Variants in SIK2 observed in about 807,000 individuals in gnomAD.
The protein encoded by SIK2 is salt inducible kinase 2.
Under a neutral mutation model 103.2 loss-of-function variants are expected in SIK2, and 29 were observed. The ratio of observed to expected loss-of-function variants is 0.28; its 90% confidence interval spans 0.21 to 0.38. The LOEUF is 0.38. Among genes scored for constraint, SIK2 ranks in the 10% least tolerant of loss-of-function variants. The pLI is 1.00. For missense variants in SIK2, 879 were observed against 1,171.0 expected, an observed-to-expected ratio of 0.75 and a Z score of 3.64; for synonymous variants, 412 against 446.1, an observed-to-expected ratio of 0.92 and a Z score of 0.96.
chr11:111,707,094 C>G (rs555082187), intron 8 of SIK2, among the ~76,000 whole-genome samples: 123 of 151,996 alleles, frequency 8.1e-4, no homozygotes, highest in Middle Eastern at 3.4e-3. Context: ...CTTTCAAGAC[C>G]GAGAAAGAAG....
In SIK2 at chr11:111,726,813, A is replaced by C; in HGVS notation, c.*2684A>C. 1 of 680,852 alleles carries C rather than the reference A, an allele frequency of 1.5e-6. No homozygotes were observed. The highest frequency in any genetic ancestry group is 2.6e-6 in the Non-Finnish European group (1 of 385,316). The allele number at this position is 680,852 out of a possible 1,614,324, so 42.2% of individuals were successfully genotyped here. A position where few individuals can be genotyped will look rare whatever the true frequency, so the allele number is the denominator to read the frequency against. On this transcript the variant is annotated 3_prime_UTR_variant, in exon 15 of 15. Coordinates refer to ENST00000304987, the MANE Select transcript of SIK2 (RefSeq NM_015191.3). Reference sequence around the variant, plus strand: ...TCTGATTCACGTTAGCAGTGTGTACACTACTGTATCATCATCAGCTTCATC... The same window carrying C: ...TCTGATTCACGTTAGCAGTGTGTACCCTACTGTATCATCATCAGCTTCATC...
intron 14 of SIK2, among the ~76,000 whole-genome samples, chr11:111,723,105 A>G (rs1943854506): frequency 6.6e-6 from 1 of 152,224 alleles, no homozygotes; most frequent in Non-Finnish European, 1.5e-5. Flanking sequence ...GTGTGCCCAC[A>G]GCCTCGCTAG....
chr11:111,692,255 G>T, intron 4 of SIK2, among the ~76,000 whole-genome samples: 1 of 148,750 alleles, frequency 6.7e-6, no homozygotes. Flanking sequence ...GGAGGCTGAG[G>T]CAGGAGAATT....
intron 3 of SIK2, among the ~76,000 whole-genome samples, chr11:111,663,255 G>T (rs1370865010): frequency 6.6e-6 from 1 of 151,592 alleles, no homozygotes; most frequent in Non-Finnish European, 1.5e-5. Flanking sequence ...AAATAGTAGG[G>T]TAAAGGTAGA....
At position 111,642,171 on chromosome 11, in the gene SIK2, C is replaced by G. The variant is rs769678374; in HGVS notation, c.316+21769C>G. Among the ~76,000 whole-genome samples the G allele has an allele frequency of 6.6e-5, 10 of 152,268 alleles. No homozygotes were observed. In the South Asian group the frequency reaches 1.0e-3, roughly 16 times the overall value. ...GGCTCCCTCCACACCAACCAATTTT[C>G]CAGTACCAACTGAGTGTCCTAGAAT... On this transcript the variant is annotated intron_variant, in intron 3 of 14. Coordinates refer to ENST00000304987, the MANE Select transcript of SIK2 (RefSeq NM_015191.3).
intron 4 of SIK2, among the ~76,000 whole-genome samples, chr11:111,697,013 C>T (rs1175911756): frequency 6.6e-6 from 1 of 152,104 alleles, no homozygotes; most frequent in East Asian, 1.9e-4. Context: ...TCTTTTGCTG[C>T]CACTTTTTAA....
chr11:111,701,101 CAT>C lies in SIK2; in HGVS notation c.603+93_603+94del. ...TCTTAGAAGCTCCTGGTACTTAACA[CAT>C]AAGCAGTATTTCATATTTTCCCCAT... On this transcript the variant is annotated intron_variant, in intron 5 of 14. Transcript: ENST00000304987. This position sits in a 1 kb window ranked among gnomAD's most constrained non-coding sequence, Gnocchi z 4.2. 6.8e-7 allele frequency: 1 copy of C among 1,470,608 alleles called. No individual in the cohort carries two copies. 91.1% of individuals were successfully genotyped at this position (1,470,608 alleles called of 1,614,324 possible).
chr11:111,642,181 C>T (rs1942192480), intron 3 of SIK2, among the ~76,000 whole-genome samples: 1 of 152,152 alleles, frequency 6.6e-6, no homozygotes, highest in Admixed American at 6.5e-5. Context: ...CCAGTACCAA[C>T]TGAGTGTCCT....
intron 3 of SIK2, among the ~76,000 whole-genome samples, chr11:111,670,581 G>C (rs887113614): frequency 6.6e-6 from 1 of 152,170 alleles, no homozygotes; most frequent in Non-Finnish European, 1.5e-5. Context: ...ATATTAGTGC[G>C]TGATGAACTT....
chr11:111,635,337 G>A (rs909720964), intron 3 of SIK2, among the ~76,000 whole-genome samples: 2 of 150,958 alleles, frequency 1.3e-5, no homozygotes, highest in African/African-American at 4.9e-5. Context: ...TTTATGTGCT[G>A]GGGAAAAAAG....
Position 111,722,433 on chromosome 11 carries a change from T to G in SIK2, c.2056-232T>G, listed in dbSNP as rs1943829648. Among the ~76,000 whole-genome samples the G allele has an allele frequency of 6.6e-6, 1 of 152,234 alleles. No homozygotes were observed. Among genetic ancestry groups the G allele is most frequent in the African/African-American group, 2.4e-5 (1 of 41,468 alleles). On this transcript the variant is annotated intron_variant, in intron 13 of 14. Coordinates refer to ENST00000304987, the MANE Select transcript of SIK2 (RefSeq NM_015191.3). The surrounding 1 kb of genome is among the most constrained non-coding windows in gnomAD (Gnocchi z 4.4). ...TTAATGTCCATGAGCCTCACAGTCC[T>G]AGTGGACTTTTGGAAATGGAGTGGA... is the stretch of plus-strand genomic sequence containing the variant.
Position 111,602,515 on chromosome 11 carries a change from T to C in SIK2, c.-49T>C. ...CCAAGCCAAGCCGCGCTGCCAACCC[T>C]CCCGCCCGCCCGCGCTCCTGTCCGC... On this transcript the variant is annotated 5_prime_UTR_variant, in exon 1 of 15. Transcript: ENST00000304987. This position sits in a 1 kb window ranked among gnomAD's most constrained non-coding sequence, Gnocchi z 4.5. The C allele has an allele frequency of 1.4e-6, 2 of 1,415,028 alleles. No individual in the cohort carries two copies. The highest frequency in any genetic ancestry group is 9.3e-7 in the Non-Finnish European group (1 of 1,080,988). 87.7% of individuals were successfully genotyped at this position (1,415,028 alleles called of 1,614,324 possible).
intron 1 of SIK2, among the ~76,000 whole-genome samples, chr11:111,611,974 A>G (rs368507957): frequency 2.6e-4 from 40 of 152,296 alleles, no homozygotes; most frequent in African/African-American, 9.4e-4. Context: ...GAAATCCCCA[A>G]ATACTTTTTT....
At chr11:111,704,046 A>C (rs948535875) in intron 7 of SIK2, among the ~76,000 whole-genome samples, 1 of 152,244 alleles carries the variant, frequency 6.6e-6, no homozygotes, top group Non-Finnish European at 1.5e-5. Context: ...TCAGGAAGAA[A>C]CATAACAAGA....
At chr11:111,658,161 T>TGTC (rs1942419269) in intron 3 of SIK2, among the ~76,000 whole-genome samples, 1 of 151,248 alleles carries the variant, frequency 6.6e-6, no homozygotes, top group Non-Finnish European at 1.5e-5. Flanking sequence ...AGTCTTGCTC[T>TGTC]GTCACCCAGG....
chr11:111,723,435 CAT>C, intron 14 of SIK2, 59 bp from the exon 15 acceptor site: 1 of 1,505,276 alleles, frequency 6.6e-7, no homozygotes, highest in Non-Finnish European at 9.0e-7. Context: ...ATTGCATTTA[CAT>C]TAAAATTGCC....
At chr11:111,640,423 G>C (rs57150709) in intron 3 of SIK2, among the ~76,000 whole-genome samples, 7 of 151,720 alleles carry the variant, frequency 4.6e-5, no homozygotes, top group African/African-American at 1.7e-4. Flanking sequence ...AAATATTGGG[G>C]GTTCTTAAAA....
intron 4 of SIK2, among the ~76,000 whole-genome samples, chr11:111,691,887 A>G (rs1942949774): frequency 6.6e-6 from 1 of 152,228 alleles, no homozygotes; most frequent in Admixed American, 6.5e-5. Context: ...AGTTAATCAA[A>G]TAAGAACCAG....
intron 8 of SIK2, among the ~76,000 whole-genome samples, chr11:111,711,607 C>T (rs562296545): frequency 3.9e-5 from 6 of 152,316 alleles, no homozygotes; most frequent in Non-Finnish European, 8.8e-5. Flanking sequence ...AGGCTGAGTC[C>T]AGGCTGTGCA....
Sources: allele counts gnomAD v4.1 joint callset (sites outside exome capture counted in the v4.1 genomes callset), GRCh38; gene constraint gnomAD v4.1.1; non-coding constraint Gnocchi (gnomAD v3.1); transcripts MANE v1.5; gene names NCBI Gene and HGNC (gene_info 2026-07-23, HGNC 2026-07-21).